Variants in CDK14 observed in about 807,000 individuals in gnomAD.
CDK14 encodes the protein cyclin-dependent kinase 14.
CDK14 carries 34 observed loss-of-function variants against 60.7 expected under a neutral mutation model. The observed-to-expected ratio is 0.56, with a 90% CI of 0.43 to 0.75. The LOEUF (loss-of-function observed/expected upper bound fraction) is 0.75. Among genes scored for constraint, CDK14 ranks in the 30% least tolerant of loss-of-function variants. The pLI, the probability that CDK14 is intolerant of heterozygous loss-of-function variation, is 0.00. For missense variants in CDK14, 482 were observed against 564.1 expected, an observed-to-expected ratio of 0.85 and a Z score of 1.47; for synonymous variants, 197 against 203.7, an observed-to-expected ratio of 0.97 and a Z score of 0.28.
At chr7:90,932,490 A>G (rs1562833596) in intron 8 of CDK14, among the ~76,000 whole-genome samples, 1 of 152,172 alleles carries the variant, frequency 6.6e-6, no homozygotes, top group African/African-American at 2.4e-5. Flanking sequence ...TAGAATCTCA[A>G]TGTTCATTAG....
intron 7 of CDK14, among the ~76,000 whole-genome samples, chr7:90,901,772 G>C (rs1044361629): frequency 2.0e-5 from 3 of 151,546 alleles, no homozygotes; most frequent in Non-Finnish European, 4.4e-5. Flanking sequence ...AGAGTAATCA[G>C]CCAAGAGAAA....
chr7:91,048,602 T>C (rs1297404453), intron 11 of CDK14, among the ~76,000 whole-genome samples: 1 of 152,198 alleles, frequency 6.6e-6, no homozygotes, highest in Non-Finnish European at 1.5e-5. Flanking sequence ...TCCAAAGGGG[T>C]AGTATCTGTT....
chr7:90,695,735 T>C (rs965492715), intron 2 of CDK14, among the ~76,000 whole-genome samples: 3 of 152,102 alleles, frequency 2.0e-5, no homozygotes, highest in Non-Finnish European at 2.9e-5. Flanking sequence ...ACCATGGGAA[T>C]ATCTGGAGGA....
intron 10 of CDK14, among the ~76,000 whole-genome samples, chr7:91,019,917 G>A (rs748218267): frequency 3.3e-5 from 5 of 152,100 alleles, no homozygotes; most frequent in African/African-American, 7.2e-5. Context: ...AGAATTCAGC[G>A]GCTTAGAGCA....
chr7:90,754,283 C>G (rs1803967905), intron 4 of CDK14, among the ~76,000 whole-genome samples: 1 of 152,100 alleles, frequency 6.6e-6, no homozygotes, highest in Non-Finnish European at 1.5e-5. Flanking sequence ...AAAATAGACA[C>G]ATAGACCAAA....
chr7:90,730,927 C>T (rs1345593547), intron 3 of CDK14, among the ~76,000 whole-genome samples: 1 of 151,302 alleles, frequency 6.6e-6, no homozygotes, highest in African/African-American at 2.4e-5. Flanking sequence ...AAGTCTTTGC[C>T]CATGCCTGTG....
intron 8 of CDK14, among the ~76,000 whole-genome samples, chr7:90,918,038 AT>A (rs2117420703): frequency 6.6e-6 from 1 of 152,294 alleles, no homozygotes; most frequent in African/African-American, 2.4e-5. Context: ...GTGAAAATCT[AT>A]TTTTTGAAAC....
intron 3 of CDK14, among the ~76,000 whole-genome samples, chr7:90,729,339 T>G (rs567720452): frequency 7.8e-5 from 10 of 127,690 alleles, no homozygotes; most frequent in African/African-American, 2.6e-4. Context: ...CATGTAGGTA[T>G]CAAGGTTTTT....
intron 3 of CDK14, among the ~76,000 whole-genome samples, chr7:90,740,646 A>G (rs1418115422): frequency 6.6e-6 from 1 of 152,148 alleles, no homozygotes; most frequent in African/African-American, 2.4e-5. Context: ...GTGAACAAAT[A>G]AATTTTTGTT....
intron 10 of CDK14, among the ~76,000 whole-genome samples, chr7:91,003,868 C>T (rs1180367001): frequency 2.6e-5 from 4 of 152,114 alleles, no homozygotes; most frequent in African/African-American, 7.2e-5. Context: ...AAGTAAACTC[C>T]ATTGCCCAGG....
chr7:91,184,422 T>G (rs1343641409), intron 14 of CDK14, among the ~76,000 whole-genome samples: 2 of 152,038 alleles, frequency 1.3e-5, no homozygotes, highest in African/African-American at 4.8e-5. Flanking sequence ...AAAGAGTGCT[T>G]GTTGATTCCA....
chr7:90,916,560 T>C (rs889277496), intron 7 of CDK14, among the ~76,000 whole-genome samples: 2 of 152,226 alleles, frequency 1.3e-5, no homozygotes, highest in African/African-American at 4.8e-5. Flanking sequence ...TGCCAATCTT[T>C]TCGATTCAAG....
chr7:90,755,758 G>A (rs902694740), intron 4 of CDK14, among the ~76,000 whole-genome samples: 8 of 152,124 alleles, frequency 5.3e-5, no homozygotes, highest in African/African-American at 1.7e-4. Flanking sequence ...TGGTCTAAAT[G>A]ATTGAGTTAA....
chr7:90,616,025 A>C (rs1196876968), intron 2 of CDK14, among the ~76,000 whole-genome samples: 1 of 152,154 alleles, frequency 6.6e-6, no homozygotes, highest in Non-Finnish European at 1.5e-5. Flanking sequence ...ATATTGGTAC[A>C]ATCATATGCA....
intron 13 of CDK14, among the ~76,000 whole-genome samples, chr7:91,113,989 A>C (rs1334955511): frequency 6.6e-6 from 1 of 152,190 alleles, no homozygotes; most frequent in African/African-American, 2.4e-5. Flanking sequence ...CTCACTGACT[A>C]TTACAACAGC....
At chr7:90,860,948 C>T (rs1790988973) in intron 5 of CDK14, among the ~76,000 whole-genome samples, 1 of 152,146 alleles carries the variant, frequency 6.6e-6, no homozygotes, top group Admixed American at 6.6e-5. Context: ...AGCTGGTCCT[C>T]TCTGGGTTTT....
chr7:90,762,924 G>T (rs1227418768), intron 4 of CDK14, among the ~76,000 whole-genome samples: 1 of 152,056 alleles, frequency 6.6e-6, no homozygotes. Flanking sequence ...GGAGGCAGAG[G>T]TTGCAGTGAG....
At position 90,744,954 on chromosome 7, in the gene CDK14, A is replaced by T. The variant is rs1363098324; in HGVS notation, c.370-2727A>T. Among the ~76,000 whole-genome samples the T allele has an allele frequency of 7.2e-5, 11 of 152,198 alleles. No individual in the cohort carries two copies. In the East Asian group the frequency reaches 1.2e-3, roughly 16 times the overall value. ...TACTTAGCATGCTTTCTTATTGAAT[A>T]TGCCTTCTCCTCTAACCTCTCACTC... On this transcript the variant is annotated intron_variant, in intron 3 of 14. Coordinates refer to ENST00000380050, the MANE Select transcript of CDK14 (RefSeq NM_001287135.2).
chr7:90,919,843 T>C (rs566152685), intron 8 of CDK14, among the ~76,000 whole-genome samples: 2 of 152,368 alleles, frequency 1.3e-5, no homozygotes, highest in East Asian at 3.9e-4. Flanking sequence ...TGAACATCCT[T>C]GTAGAGATAG....
Sources: allele counts gnomAD v4.1 joint callset (sites outside exome capture counted in the v4.1 genomes callset), GRCh38; gene constraint gnomAD v4.1.1; transcripts MANE v1.5; gene names NCBI Gene and HGNC (gene_info 2026-07-23, HGNC 2026-07-21).